The following TOP3A variants were observed in gnomAD, a reference collection of about 807,000 sequenced individuals.
The protein encoded by TOP3A is DNA topoisomerase 3-alpha.
A neutral mutation model predicts 111.3 loss-of-function variants in TOP3A; 64 were observed. That is an observed-to-expected ratio of 0.57 (90% CI 0.47 to 0.71). The LOEUF (loss-of-function observed/expected upper bound fraction) is 0.71, where lower values mean the gene tolerates loss of function less well. Ranked by LOEUF, TOP3A falls within the 30% of genes least tolerant of loss-of-function variation. The pLI, the probability that TOP3A is intolerant of heterozygous loss-of-function variation, is 0.00. For synonymous variants in TOP3A, 484 were observed against 485.1 expected (o/e 1.00, Z 0.03); for missense variants, 1,104 against 1,285.0 (o/e 0.86, Z 2.15).
At chr17:18,302,546 T>C (rs1981301059) in intron 6 of TOP3A, 34 bp downstream of exon 6, 1 of 1,607,828 alleles carries the variant, frequency 6.2e-7, no homozygotes, top group African/African-American at 1.3e-5. Flanking sequence ...ACAACATTAA[T>C]GTGGCCATGG....
intron 8 of TOP3A, 97 bp from the exon 9 acceptor site, chr17:18,299,730 G>A: frequency 8.6e-7 from 1 of 1,160,106 alleles, no homozygotes; most frequent in Non-Finnish European, 1.3e-6. Context: ...AGATCACACT[G>A]ACCACCGCCA....
At chr17:18,284,068 C>T (rs912145286) in intron 15 of TOP3A, among the ~76,000 whole-genome samples, 1 of 152,152 alleles carries the variant, frequency 6.6e-6, no homozygotes, top group African/African-American at 2.4e-5. Context: ...GGGGCAATCT[C>T]GGCTCATTGC....
At chr17:18,306,574 C>T (rs1353250490) in intron 4 of TOP3A, 3 of 233,702 alleles carry the variant, frequency 1.3e-5, no homozygotes, top group Non-Finnish European at 2.5e-5. Flanking sequence ...CACTATGTTG[C>T]CCAGGCTGGT....
rs1386859326 is a variant in TOP3A at position 18,278,050 on chromosome 17, C to G, written c.2452G>C (p.Glu818Gln). The G allele has an allele frequency of 1.9e-6, 3 of 1,614,234 alleles. No homozygotes were observed. The highest frequency in any genetic ancestry group is 1.3e-5 in the African/African-American group (1 of 75,076). The change falls in exon 18 of 19, where the codon GAG becomes CAG. Residue 818 changes from glutamate (E) to glutamine (Q), a missense_variant. Coordinates refer to ENST00000321105, the MANE Select transcript of TOP3A (RefSeq NM_004618.5). ...TTACGGACAGTGAGCAGCACAGCCT[C>G]CTGGCCACAGTTGCAGGTCACAGAA... Reference protein sequence around the residue: ...SNSVTCNCGQEAVLLTVRKEG... With the variant: ...SNSVTCNCGQQAVLLTVRKEG...
intron 13 of TOP3A, among the ~76,000 whole-genome samples, chr17:18,288,456 T>A (rs988730693): frequency 6.6e-6 from 1 of 150,980 alleles, no homozygotes; most frequent in African/African-American, 2.4e-5. Flanking sequence ...AATAATCTTT[T>A]AAAAATATTA....
chr17:18,306,825 C>T, intron 4 of TOP3A, 66 bp downstream of exon 4: 1 of 1,116,010 alleles, frequency 9.0e-7, no homozygotes, highest in East Asian at 2.4e-5. Context: ...GCATTAAAAA[C>T]AAAGAAATCA....
At chr17:18,298,071 T>G (rs1398532450) in intron 9 of TOP3A, among the ~76,000 whole-genome samples, 3 of 138,494 alleles carry the variant, frequency 2.2e-5, no homozygotes, top group South Asian at 2.4e-4. Context: ...ACCTCTGCCC[T>G]GCCGCCCCGT....
rs367717633 is a variant in TOP3A at position 18,282,699 on chromosome 17, C to T, written c.2020G>A (p.Gly674Arg). The change falls in exon 16 of 19, where the codon GGG becomes AGG. Residue 674 changes from glycine (G) to arginine (R), a missense_variant and splice_region_variant. Coordinates refer to ENST00000321105, the MANE Select transcript of TOP3A (RefSeq NM_004618.5). ...GGGGGCAGAAGGCAGCGCACTCACC[C>T]GCCATTCTTCTTGGTCTTAAGGACC... ...DMVLKTKKNG[G>R]FYLSCMGFPE... 1.2e-5 allele frequency: 19 copies of T among 1,613,136 alleles called. No individual in the cohort carries two copies. The highest frequency in any genetic ancestry group is 2.2e-5 in the East Asian group (1 of 44,904).
intron 5 of TOP3A, 194 bp from the exon 6 acceptor site, chr17:18,302,917 T>C: frequency 1.8e-6 from 1 of 570,780 alleles, no homozygotes; most frequent in South Asian, 2.5e-5. Context: ...ACCTTTAAAC[T>C]GAGTGTACTG....
chr17:18,296,277 T>C (rs1396434625), intron 9 of TOP3A, among the ~76,000 whole-genome samples: 1 of 152,078 alleles, frequency 6.6e-6, no homozygotes, highest in Non-Finnish European at 1.5e-5. Flanking sequence ...AAAACACATA[T>C]GCCTACTATA....
At chr17:18,283,455 C>T (rs1457454871) in intron 15 of TOP3A, among the ~76,000 whole-genome samples, 1 of 152,106 alleles carries the variant, frequency 6.6e-6, no homozygotes, top group East Asian at 1.9e-4. Context: ...CTCATGCCTG[C>T]CTTTTCACAA....
chr17:18,277,832 G>A lies in TOP3A; in HGVS notation c.2670C>T (p.Gly890=), dbSNP rs1459303766. Residue 890 remains glycine (G), a synonymous_variant, in exon 18 of 19, where the codon GGC becomes GGT. Transcript: ENST00000321105. The part of the protein sequence containing the change: ...HLGGFGNPGD[G]SGSGTSCLCS... The stretch of plus-strand genomic sequence containing the variant: ...AAAGGCAGGATGTGCCACTACCACT[G>A]CCATCACCAGGGTTGCCAAACCCAC... 3.1e-6 allele frequency: 5 copies of A among 1,613,992 alleles called. No individual in the cohort carries two copies. In the African/African-American group the frequency reaches 5.3e-5, roughly 17 times the overall value.
intron 1 of TOP3A, among the ~76,000 whole-genome samples, chr17:18,312,992 C>T (rs1339021605): frequency 6.6e-6 from 1 of 152,150 alleles, no homozygotes; most frequent in African/African-American, 2.4e-5. Context: ...CACCTGTAAT[C>T]CCAGCTACTA....
intron 17 of TOP3A, 102 bp downstream of exon 17, chr17:18,280,434 C>T: frequency 7.2e-7 from 1 of 1,395,528 alleles, no homozygotes; most frequent in East Asian, 2.5e-5. Flanking sequence ...CCTGCAGGGC[C>T]TGAGTGGAAT....
At chr17:18,305,787 G>A (rs564588552) in intron 4 of TOP3A, among the ~76,000 whole-genome samples, 48 of 152,234 alleles carry the variant, frequency 3.2e-4, no homozygotes, top group African/African-American at 1.0e-3. Context: ...GCAGTGAGTC[G>A]AGATCGCACC....
At chr17:18,297,512 C>T (rs555704110) in intron 9 of TOP3A, among the ~76,000 whole-genome samples, 8 of 113,948 alleles carry the variant, frequency 7.0e-5, no homozygotes, top group African/African-American at 2.5e-4. Context: ...TGAAGCTGGA[C>T]GGTACTGCTG....
intron 8 of TOP3A, among the ~76,000 whole-genome samples, chr17:18,299,880 C>G (rs768018834): frequency 6.6e-6 from 1 of 152,186 alleles, no homozygotes; most frequent in Non-Finnish European, 1.5e-5. Context: ...GTGCTTCCAC[C>G]AGAGCCTATG....
rs1979101342 is a variant in TOP3A at position 18,273,145 on chromosome 17, GAACACA to G, written c.*1651_*1656del. 1 of 152,162 alleles carries G rather than the reference GAACACA, an allele frequency of 6.6e-6. No homozygotes were observed. 9.4% of individuals were successfully genotyped at this position (152,162 alleles called of 1,614,324 possible). A position where few individuals can be genotyped will look rare whatever the true frequency, so the allele number is the denominator to read the frequency against. On this transcript the variant is annotated 3_prime_UTR_variant, in exon 19 of 19. Coordinates refer to ENST00000321105, the MANE Select transcript of TOP3A (RefSeq NM_004618.5). Reference sequence around the variant, plus strand: ...AAAAATCCTCCCCAATACCCCATCAGAACACAGAGCCACTGGTCTATGGGCCAGGAG... The same window carrying G: ...AAAAATCCTCCCCAATACCCCATCAGGAGCCACTGGTCTATGGGCCAGGAG...
In TOP3A at chr17:18,278,156, C is replaced by G; in HGVS notation, c.2346G>C (p.Gln782His). The change falls in exon 18 of 19, where the codon CAG (glutamine) becomes CAC (histidine). Residue 782 changes from glutamine to histidine, a missense_variant. By Grantham distance (24) the Gln-to-His change is conservative (BLOSUM62 0). Coordinates refer to ENST00000321105, the MANE Select transcript of TOP3A (RefSeq NM_004618.5). ...LNRMDNSQHP[Q>H]PADSRQTGSS... The stretch of plus-strand genomic sequence containing the variant: ...ACCCAGTCTGTCTGCTGTCAGCAGG[C>G]TGGGGGTGCTGGCTGTTGTCCATCC... 1 of 1,614,136 alleles carries G rather than the reference C, an allele frequency of 6.2e-7. No homozygotes were observed. The highest frequency in any genetic ancestry group is 8.5e-7 in the Non-Finnish European group (1 of 1,180,010).
Sources: gnomAD v4.1 joint callset for allele counts (sites outside exome capture counted in the v4.1 genomes callset) on GRCh38, gnomAD v4.1.1 for gene constraint, MANE v1.5 for transcripts, NCBI Gene and HGNC (gene_info 2026-07-23, HGNC 2026-07-21) for gene names.